SLC9B1: variants seen among roughly 807,000 people sequenced by gnomAD.
SLC9B1 encodes the protein sodium/hydrogen exchanger 9B1.
SLC9B1 carries 32 observed loss-of-function variants against 51.7 expected under a neutral mutation model. The ratio of observed to expected loss-of-function variants is 0.62; its 90% CI spans 0.47 to 0.83. SLC9B1 has a LOEUF of 0.83. Ranked by LOEUF, SLC9B1 falls within the 40% of genes least tolerant of loss-of-function variation. SLC9B1 has a pLI of 0.00. For missense variants in SLC9B1, 406 were observed against 613.2 expected (o/e 0.66, Z 3.57); for synonymous variants, 145 against 212.7 (o/e 0.68, Z 2.77).
At chr4:102,933,996 C>G (rs1193760360) in intron 6 of SLC9B1, among the ~76,000 whole-genome samples, 1 of 152,298 alleles carries the variant, frequency 6.6e-6, no homozygotes, top group East Asian at 1.9e-4. Context: ...GTCTTGAACT[C>G]CTGACTTCAA....
chr4:102,994,426 C>T (rs1262253657), intron 1 of SLC9B1, among the ~76,000 whole-genome samples: 1 of 152,198 alleles, frequency 6.6e-6, no homozygotes, highest in Non-Finnish European at 1.5e-5. Flanking sequence ...ATATCACCAT[C>T]AGCATTTTGG....
intron 7 of SLC9B1, among the ~76,000 whole-genome samples, chr4:102,921,305 C>T (rs1325582293): frequency 1.3e-5 from 2 of 152,152 alleles, no homozygotes; most frequent in Non-Finnish European, 2.9e-5. Flanking sequence ...CATATCCAGC[C>T]AAACTAAGCT....
At chr4:102,913,931 C>T (rs1451387759) in intron 7 of SLC9B1, among the ~76,000 whole-genome samples, 2 of 152,014 alleles carry the variant, frequency 1.3e-5, no homozygotes, top group Non-Finnish European at 1.5e-5. Flanking sequence ...TTGTGCCCTG[C>T]TTAGACAGAG....
intron 1 of SLC9B1, among the ~76,000 whole-genome samples, chr4:103,006,087 A>C (rs1740769564): frequency 6.6e-6 from 1 of 152,130 alleles, no homozygotes; most frequent in Non-Finnish European, 1.5e-5. Flanking sequence ...GAAAAGAAAT[A>C]ACCAAAATTA....
chr4:102,967,973 A>G, intron 3 of SLC9B1, among the ~76,000 whole-genome samples: 1 of 152,248 alleles, frequency 6.6e-6, no homozygotes, highest in East Asian at 1.9e-4. Context: ...AAGAGTCTAG[A>G]AAGATTATTG....
At chr4:102,941,330 A>G in intron 6 of SLC9B1, 1 of 285,424 alleles carries the variant, frequency 3.5e-6, no homozygotes, top group South Asian at 2.9e-5. Flanking sequence ...TTAAATGGGC[A>G]AAGGAGAGGA....
chr4:102,950,369 T>A (rs913978921), intron 3 of SLC9B1, among the ~76,000 whole-genome samples: 3 of 152,198 alleles, frequency 2.0e-5, no homozygotes, highest in Non-Finnish European at 4.4e-5. Context: ...ACTAGACATC[T>A]TGTTTCTGGC....
At chr4:102,970,503 A>G (rs1026701747) in intron 3 of SLC9B1, among the ~76,000 whole-genome samples, 22 of 152,238 alleles carry the variant, frequency 1.4e-4, no homozygotes, top group Non-Finnish European at 2.8e-4. Flanking sequence ...AAACATGGAA[A>G]GTAATAACCA....
At chr4:102,996,617 A>G (rs1043030532) in intron 1 of SLC9B1, among the ~76,000 whole-genome samples, 6 of 152,194 alleles carry the variant, frequency 3.9e-5, no homozygotes, top group African/African-American at 1.4e-4. Context: ...TTCCCATATC[A>G]ATATCTAATT....
downstream of SLC9B1, chr4:102,897,100 G>A (rs1459872509): frequency 1.9e-5 from 3 of 154,556 alleles, no homozygotes; most frequent in African/African-American, 7.2e-5. Flanking sequence ...ACAGAAAGAA[G>A]CTCAATGGAA....
chr4:103,009,646 C>G (rs757814261), intron 1 of SLC9B1, among the ~76,000 whole-genome samples: 1 of 152,172 alleles, frequency 6.6e-6, no homozygotes, highest in Non-Finnish European at 1.5e-5. Context: ...CTCTTATCTA[C>G]TATGCATTGC....
chr4:102,943,008 G>A (rs541950495), intron 6 of SLC9B1, among the ~76,000 whole-genome samples: 1 of 151,978 alleles, frequency 6.6e-6, no homozygotes. Context: ...CTATCAAAAA[G>A]TGTGCTAAGG....
chr4:102,926,366 A>G (rs1174059521), intron 7 of SLC9B1, among the ~76,000 whole-genome samples: 1 of 152,276 alleles, frequency 6.6e-6, no homozygotes, highest in Non-Finnish European at 1.5e-5. Flanking sequence ...TCAGCCCAAA[A>G]TCTCCTTAAG....
At chr4:102,986,167 C>A (rs1376661758) in intron 3 of SLC9B1, among the ~76,000 whole-genome samples, 6 of 151,984 alleles carry the variant, frequency 3.9e-5, no homozygotes, top group Admixed American at 2.6e-4. Context: ...AAAAGTTCTT[C>A]AATTTTTGTT....
rs1466561136 is a variant in SLC9B1, at chr4:102,975,584, A to ATTTTTTTTTTTTTTTTTTTTT, written c.211+14215_211+14216insAAAAAAAAAAAAAAAAAAAAA. 5.0e-5 allele frequency among the ~76,000 whole-genome samples: 4 copies of ATTTTTTTTTTTTTTTTTTTTT among 80,180 alleles called. 1 individual carries two copies. The highest frequency in any genetic ancestry group is 1.8e-4 in the Admixed American group (1 of 5,714). The allele number at this position is 80,180 out of a possible 152,430, so 52.6% of individuals were successfully genotyped here. A position where few individuals can be genotyped will look rare whatever the true frequency, so the allele number is the denominator to read the frequency against. On this transcript the variant is annotated intron_variant, in intron 3 of 11. Transcript: ENST00000296422. ...TATATACATATATATATATATATAT[A>ATTTTTTTTTTTTTTTTTTTTT]TATTTTTTTTTTTTTTTTTTTTTTT...
At chr4:102,968,523 T>C (rs1251489992) in intron 3 of SLC9B1, among the ~76,000 whole-genome samples, 1 of 152,234 alleles carries the variant, frequency 6.6e-6, no homozygotes, top group Non-Finnish European at 1.5e-5. Context: ...AATCTTTGCT[T>C]TTCAAATATT....
chr4:102,958,243 T>C (rs1431620922), intron 3 of SLC9B1, among the ~76,000 whole-genome samples: 3 of 152,192 alleles, frequency 2.0e-5, no homozygotes, highest in Admixed American at 1.3e-4. Context: ...GAGTAAATTC[T>C]TGTGAGATCT....
chr4:103,009,006 G>T (rs1214223143), intron 1 of SLC9B1, among the ~76,000 whole-genome samples: 1 of 151,998 alleles, frequency 6.6e-6, no homozygotes, highest in Non-Finnish European at 1.5e-5. Flanking sequence ...CACCGTGTTA[G>T]CCAGGATGGT....
In SLC9B1 at chr4:102,932,192, G is replaced by A. The variant is rs1275308116; in HGVS notation, c.761C>T (p.Ala254Val). The A allele has an allele frequency of 6.2e-7, 1 of 1,611,922 alleles. No individual in the cohort carries two copies. Among genetic ancestry groups the A allele is most frequent in the East Asian group, 2.2e-5 (1 of 44,864 alleles). ...EEGIPTLLMAASSMDDILAIT... is the reference protein window; with the variant it reads ...EEGIPTLLMAVSSMDDILAIT... Reference sequence around the variant, plus strand: ...AGCCAGAATGTCATCCATACTGCTAGCAGCCATTAATAAGGTTGGAATGCC... The same window carrying A: ...AGCCAGAATGTCATCCATACTGCTAACAGCCATTAATAAGGTTGGAATGCC... Residue 254 changes from alanine (A) to valine (V), a missense_variant, in exon 7 of 12, where the codon GCT (alanine) becomes GTT (valine). Physicochemically the swap from Ala to Val is moderately conservative, Grantham distance 64. Transcript: ENST00000296422.
Sources: gnomAD v4.1 joint callset for allele counts (sites outside exome capture counted in the v4.1 genomes callset) on GRCh38, gnomAD v4.1.1 for gene constraint, MANE v1.5 for transcripts, NCBI Gene and HGNC (gene_info 2026-07-23, HGNC 2026-07-21) for gene names.